The following PPP1R9A variants were observed in gnomAD, a reference collection of about 807,000 sequenced individuals.
PPP1R9A encodes the protein protein phosphatase 1 regulatory subunit 9A.
Under a neutral mutation model 141.9 loss-of-function variants are expected in PPP1R9A, and 59 were observed. That is an observed-to-expected ratio of 0.42 (90% CI 0.34 to 0.52). PPP1R9A has a LOEUF of 0.52. Ranked by LOEUF, PPP1R9A falls within the 20% of genes least tolerant of loss-of-function variation. The probability of loss-of-function intolerance (pLI) is 0.10; values close to 1 mark genes in which losing one functional copy is unlikely to be tolerated. For missense variants in PPP1R9A, 1,444 were observed against 1,611.9 expected (o/e 0.90, Z 1.78); for synonymous variants, 500 against 569.7 (o/e 0.88, Z 1.74).
chr7:95,040,050 T>A (rs1030848862), intron 2 of PPP1R9A, among the ~76,000 whole-genome samples: 2 of 152,164 alleles, frequency 1.3e-5, no homozygotes, highest in Admixed American at 1.3e-4. Flanking sequence ...GGAAGATACA[T>A]CTATCCTATA....
At chr7:95,004,672 C>T (rs1048068344) in intron 2 of PPP1R9A, among the ~76,000 whole-genome samples, 1 of 152,124 alleles carries the variant, frequency 6.6e-6, no homozygotes, top group African/African-American at 2.4e-5. Context: ...ACTGGATAGG[C>T]TCAATAATAG....
At chr7:95,126,559 T>C (rs1441117041) in intron 4 of PPP1R9A, among the ~76,000 whole-genome samples, 2 of 152,150 alleles carry the variant, frequency 1.3e-5, no homozygotes, top group African/African-American at 4.8e-5. Flanking sequence ...CGACAGTATT[T>C]CCAGGGGAAA....
At chr7:95,237,060 T>G (rs901562867) in intron 8 of PPP1R9A, among the ~76,000 whole-genome samples, 6 of 151,706 alleles carry the variant, frequency 4.0e-5, no homozygotes, top group Admixed American at 3.9e-4. Flanking sequence ...TAAGATATTT[T>G]ATATTAATAG....
At chr7:95,133,532 TA>T (rs1417425212) in intron 4 of PPP1R9A, among the ~76,000 whole-genome samples, 26 of 148,068 alleles carry the variant, frequency 1.8e-4, no homozygotes, top group South Asian at 6.3e-4. Flanking sequence ...TATATATATA[TA>T]TATATATATG....
intron 5 of PPP1R9A, among the ~76,000 whole-genome samples, chr7:95,196,396 C>T (rs768307362): frequency 6.6e-6 from 1 of 152,098 alleles, no homozygotes; most frequent in Non-Finnish European, 1.5e-5. Flanking sequence ...GATACTATTA[C>T]TTCGAAAAAC....
chr7:95,009,415 A>C (rs1804097221), intron 2 of PPP1R9A, among the ~76,000 whole-genome samples: 1 of 152,218 alleles, frequency 6.6e-6, no homozygotes, highest in Non-Finnish European at 1.5e-5. Flanking sequence ...GGGATTCTTA[A>C]CGTCTTCGCC....
At position 95,042,706 on chromosome 7, in the gene PPP1R9A, G is replaced by A. The variant is rs17166611; in HGVS notation, c.1396-68553G>A. On this transcript the variant is annotated intron_variant, in intron 2 of 19. Transcript: ENST00000433360. ...TTGATCTAAAGTAAAACTTCTTGTC[G>A]ATGTTGAATTTAGTCAATAGGTTAT... Among the ~76,000 whole-genome samples the A allele has an allele frequency of 4.5e-3, 687 of 152,094 alleles. 20 individuals are homozygous for A. Among genetic ancestry groups the A allele is most frequent in the East Asian group, 0.037 (192 of 5,174 alleles).
intron 3 of PPP1R9A, among the ~76,000 whole-genome samples, chr7:95,118,064 A>G (rs931374838): frequency 6.6e-6 from 1 of 152,214 alleles, no homozygotes; most frequent in African/African-American, 2.4e-5. Flanking sequence ...ACGAATGTCA[A>G]TAAGAATTCA....
chr7:95,217,112 A>G (rs1456107229), intron 7 of PPP1R9A, among the ~76,000 whole-genome samples: 2 of 152,084 alleles, frequency 1.3e-5, no homozygotes, highest in Non-Finnish European at 2.9e-5. Flanking sequence ...GTTTGTCATA[A>G]ATAGCTCTTA....
intron 2 of PPP1R9A, among the ~76,000 whole-genome samples, chr7:95,106,195 C>T (rs1819490076): frequency 6.6e-6 from 1 of 152,306 alleles, no homozygotes; most frequent in Non-Finnish European, 1.5e-5. Context: ...AGCTTTTCCT[C>T]TCCCCTCATT....
chr7:95,153,270 C>T (rs74641785), intron 4 of PPP1R9A, among the ~76,000 whole-genome samples: 4 of 152,110 alleles, frequency 2.6e-5, no homozygotes, highest in Non-Finnish European at 4.4e-5. Context: ...ATATTGTAAG[C>T]GCTATGCTTG....
At chr7:95,053,199 A>C (rs1382436873) in intron 2 of PPP1R9A, among the ~76,000 whole-genome samples, 1 of 152,212 alleles carries the variant, frequency 6.6e-6, no homozygotes, top group African/African-American at 2.4e-5. Flanking sequence ...GATGTGAAGA[A>C]ACTCATTGTT....
intron 2 of PPP1R9A, among the ~76,000 whole-genome samples, chr7:95,001,515 A>G (rs1802925046): frequency 6.6e-6 from 1 of 152,198 alleles, no homozygotes; most frequent in Admixed American, 6.6e-5. Context: ...TGTTCTGAAA[A>G]TCTTAAGAGA....
intron 16 of PPP1R9A, among the ~76,000 whole-genome samples, chr7:95,279,150 A>G (rs1803698240): frequency 6.6e-6 from 1 of 152,218 alleles, no homozygotes; most frequent in Non-Finnish European, 1.5e-5. Context: ...TGAATGGGCT[A>G]TATGGATTAT....
At chr7:95,186,881 T>C (rs546157367) in intron 5 of PPP1R9A, among the ~76,000 whole-genome samples, 18 of 152,284 alleles carry the variant, frequency 1.2e-4, no homozygotes, top group African/African-American at 3.8e-4. Flanking sequence ...TGGTGGATTA[T>C]CTTTTTGATA....
Position 95,003,422 on chromosome 7 carries a change from T to C in PPP1R9A, c.1395+91914T>C, listed in dbSNP as rs1212902344. Among the ~76,000 whole-genome samples the C allele has an allele frequency of 3.9e-5, 6 of 152,214 alleles. No homozygotes were observed. In the East Asian group the frequency reaches 1.2e-3, roughly 29 times the overall value. ...ACCTTGGGAAAAAAATGCTTCCTTG[T>C]TGATTCCAAGTAAGATCATTTAGAA... On this transcript the variant is annotated intron_variant, in intron 2 of 19. Coordinates refer to ENST00000433360, the MANE Select transcript of PPP1R9A (RefSeq NM_001166160.2).
chr7:95,194,403 C>T (rs1441163115), intron 5 of PPP1R9A, among the ~76,000 whole-genome samples: 1 of 151,944 alleles, frequency 6.6e-6, no homozygotes, highest in Admixed American at 6.6e-5. Flanking sequence ...CAGCAGTGAA[C>T]AAAGTGAGGA....
chr7:95,195,237 TAAATC>T (rs1836071472), intron 5 of PPP1R9A, among the ~76,000 whole-genome samples: 1 of 150,496 alleles, frequency 6.6e-6, no homozygotes, highest in Admixed American at 6.6e-5. Context: ...TTAGCAATCT[TAAATC>T]AGGCAGAGGC....
chr7:95,184,721 G>A (rs1641512622), intron 5 of PPP1R9A, among the ~76,000 whole-genome samples: 1 of 152,082 alleles, frequency 6.6e-6, no homozygotes, highest in Non-Finnish European at 1.5e-5. Context: ...TATGATGTTT[G>A]GTTTTTCATT....
Sources: gnomAD v4.1 joint callset for allele counts (sites outside exome capture counted in the v4.1 genomes callset) on GRCh38, gnomAD v4.1.1 for gene constraint, MANE v1.5 for transcripts, NCBI Gene and HGNC (gene_info 2026-07-23, HGNC 2026-07-21) for gene names.